Variants in LMCD1 observed in about 807,000 individuals in gnomAD.
LMCD1 encodes the protein LIM and cysteine rich domains 1, also known as LIM and cysteine-rich domains protein 1.
In LMCD1, 32 loss-of-function variants were observed where a neutral mutation model predicts 42.7. The observed-to-expected ratio is 0.75, with a 90% CI of 0.57 to 1.01. The LOEUF is 1.01. LMCD1 is among the 50% of genes least tolerant of loss of function. The pLI is 0.00. For missense variants in LMCD1, 458 were observed against 483.1 expected, an observed-to-expected ratio of 0.95 and a Z score of 0.49; for synonymous variants, 178 against 184.9, an observed-to-expected ratio of 0.96 and a Z score of 0.30.
Position 8,573,576 on chromosome 3 carries a change from C to G in LMCD1, c.*5978C>G, listed in dbSNP as rs1421618746. ...ATGGCTGTTGGTCATTCACATCTCT[C>G]TCTGCCAAGAATGGGGATGACGCTG... is the stretch of plus-strand genomic sequence containing the variant. On this transcript the variant is annotated 3_prime_UTR_variant, in exon 6 of 6. Transcript: ENST00000157600. The G allele has an allele frequency of 6.6e-6, 1 of 152,208 alleles. No individual in the cohort carries two copies. The highest frequency in any genetic ancestry group is 1.5e-5 in the Non-Finnish European group (1 of 68,044). 9.4% of individuals were successfully genotyped at this position (152,208 alleles called of 1,614,324 possible).
rs568013410 is a variant in LMCD1 at position 8,544,437 on chromosome 3, A to C, written c.388-4131A>C. Among the ~76,000 whole-genome samples the C allele has an allele frequency of 2.6e-5, 4 of 152,308 alleles. No individual in the cohort carries two copies. The South Asian group carries it at 8.3e-4, about 32-fold the overall frequency. ...GGGTATGCTGTGAGCTTACAGTGCC[A>C]GAAGGTGTCTCAGATAGGTGTCCTC... On this transcript the variant is annotated intron_variant, in intron 3 of 5. Transcript: ENST00000157600.
intron 3 of LMCD1, among the ~76,000 whole-genome samples, chr3:8,548,358 C>CACAATGG (rs1482629567): frequency 6.6e-6 from 1 of 152,054 alleles, no homozygotes; most frequent in Non-Finnish European, 1.5e-5. Flanking sequence ...TTTTATTTGT[C>CACAATGG]ACAATGGACA....
chr3:8,509,483 T>C (rs1264535752), intron 1 of LMCD1, among the ~76,000 whole-genome samples: 1 of 152,218 alleles, frequency 6.6e-6, no homozygotes, highest in Non-Finnish European at 1.5e-5. Flanking sequence ...CATTTCTTTA[T>C]ATAGCAAATA....
intron 1 of LMCD1, among the ~76,000 whole-genome samples, chr3:8,516,170 T>C (rs1021573351): frequency 1.3e-5 from 2 of 152,160 alleles, no homozygotes; most frequent in Non-Finnish European, 2.9e-5. Flanking sequence ...AGGCCCTCTC[T>C]TTCTGGCTGG....
At chr3:8,522,005 TACACTTACTTCTTTC>T (rs1694216765) in intron 1 of LMCD1, among the ~76,000 whole-genome samples, 1 of 152,208 alleles carries the variant, frequency 6.6e-6, no homozygotes, top group Non-Finnish European at 1.5e-5. Context: ...CAGGCTTCTA[TACACTTACTTCTTTC>T]ATGGCCCAGG....
chr3:8,514,755 A>G (rs780050708), intron 1 of LMCD1, among the ~76,000 whole-genome samples: 35 of 152,354 alleles, frequency 2.3e-4, no homozygotes, highest in Non-Finnish European at 4.7e-4. Context: ...GACACAAAAG[A>G]ATACACACCG....
In LMCD1 at chr3:8,571,763, T is replaced by G. The variant is rs1235544503; in HGVS notation, c.*4165T>G. Reference sequence around the variant, plus strand: ...ATGAAAGGAGATACTGTGCAGTAAATAGCCCTGCTGTTGTTTTCTTTTCTT... The same window carrying G: ...ATGAAAGGAGATACTGTGCAGTAAAGAGCCCTGCTGTTGTTTTCTTTTCTT... On this transcript the variant is annotated 3_prime_UTR_variant, in exon 6 of 6. Coordinates refer to ENST00000157600, the MANE Select transcript of LMCD1 (RefSeq NM_014583.4). 6.6e-6 allele frequency: 1 copy of G among 152,238 alleles called. No homozygotes were observed. Among genetic ancestry groups the G allele is most frequent in the Non-Finnish European group, 1.5e-5 (1 of 68,046 alleles). The allele number at this position is 152,238 out of a possible 1,614,324, so 9.4% of individuals were successfully genotyped here. A position where few individuals can be genotyped will look rare whatever the true frequency, so the allele number is the denominator to read the frequency against.
chr3:8,528,290 G>A (rs1694339022), intron 1 of LMCD1, among the ~76,000 whole-genome samples: 1 of 152,106 alleles, frequency 6.6e-6, no homozygotes, highest in South Asian at 2.1e-4. Flanking sequence ...CTGAGTTCAA[G>A]TGATCCTCCA....
intron 3 of LMCD1, among the ~76,000 whole-genome samples, chr3:8,543,912 T>TA (rs1479655089): frequency 1.3e-5 from 2 of 152,202 alleles, no homozygotes; most frequent in African/African-American, 2.4e-5. Context: ...ATATTTGTGC[T>TA]AAAAGCCACC....
chr3:8,535,429 ATC>A (rs1289680554), intron 2 of LMCD1, among the ~76,000 whole-genome samples: 1 of 152,130 alleles, frequency 6.6e-6, no homozygotes, highest in Non-Finnish European at 1.5e-5. Flanking sequence ...CAATTTTAAC[ATC>A]TCTCAAATTG....
chr3:8,534,197 T>C (rs1482655046), intron 2 of LMCD1, among the ~76,000 whole-genome samples: 2 of 151,984 alleles, frequency 1.3e-5, no homozygotes, highest in Admixed American at 6.6e-5. Context: ...GAAAATGTTA[T>C]CTAAATGCAC....
chr3:8,522,802 A>G (rs1203611907), intron 1 of LMCD1, among the ~76,000 whole-genome samples: 3 of 151,880 alleles, frequency 2.0e-5, no homozygotes, highest in African/African-American at 4.9e-5. Context: ...GAACAATTTA[A>G]TTAATTTTTA....
At chr3:8,518,754 G>A (rs953780742) in intron 1 of LMCD1, among the ~76,000 whole-genome samples, 1 of 152,170 alleles carries the variant, frequency 6.6e-6, no homozygotes, top group African/African-American at 2.4e-5. Context: ...TCTAAGAAGA[G>A]AGGAGAAGAG....
chr3:8,556,374 A>G (rs1186231687), intron 4 of LMCD1, among the ~76,000 whole-genome samples: 17 of 150,894 alleles, frequency 1.1e-4, no homozygotes, highest in Non-Finnish European at 2.4e-4. Flanking sequence ...AGTAGTAAAT[A>G]TTTTTCCAGG....
chr3:8,545,901 C>T (rs983941568), intron 3 of LMCD1, among the ~76,000 whole-genome samples: 7 of 152,120 alleles, frequency 4.6e-5, no homozygotes, highest in Non-Finnish European at 1.0e-4. Flanking sequence ...TTTGGGAGGC[C>T]GAGGTTGGTG....
chr3:8,562,260 C>A (rs1188937158), intron 4 of LMCD1, among the ~76,000 whole-genome samples: 2 of 152,282 alleles, frequency 1.3e-5, no homozygotes, highest in African/African-American at 4.8e-5. Flanking sequence ...TGACAAACAG[C>A]CAGGCACTGG....
chr3:8,528,172 C>G (rs1056703865), intron 1 of LMCD1, among the ~76,000 whole-genome samples: 4 of 152,120 alleles, frequency 2.6e-5, no homozygotes, highest in Non-Finnish European at 5.9e-5. Flanking sequence ...AAAGGATGTG[C>G]CACTCACCTT....
At chr3:8,512,624 A>G (rs112024341) in intron 1 of LMCD1, among the ~76,000 whole-genome samples, 1 of 152,250 alleles carries the variant, frequency 6.6e-6, no homozygotes, top group Non-Finnish European at 1.5e-5. Flanking sequence ...ATACAACCCT[A>G]TAATGAGATT....
intron 4 of LMCD1, chr3:8,551,390 T>C: frequency 1.1e-6 from 1 of 948,352 alleles, no homozygotes; most frequent in Non-Finnish European, 1.3e-6. Flanking sequence ...TGCCAAACAC[T>C]ATGCTCACAC....
Sources: gnomAD v4.1 joint callset for allele counts (sites outside exome capture counted in the v4.1 genomes callset) on GRCh38, gnomAD v4.1.1 for gene constraint, MANE v1.5 for transcripts, NCBI Gene and HGNC (gene_info 2026-07-23, HGNC 2026-07-21) for gene names.